TMEM178B: variants seen among roughly 807,000 people sequenced by gnomAD.
The protein encoded by TMEM178B is transmembrane protein 178B.
In TMEM178B, 5 loss-of-function variants were observed where a neutral mutation model predicts 31.0. The ratio of observed to expected loss-of-function variants is 0.16; its 90% CI spans 0.08 to 0.34. The LOEUF (loss-of-function observed/expected upper bound fraction) is 0.34, where lower values mean the gene tolerates loss of function less well. TMEM178B is among the 10% of genes least tolerant of loss of function. TMEM178B has a pLI of 1.00. For synonymous variants in TMEM178B, 164 were observed against 164.0 expected, an observed-to-expected ratio of 1.00 and a Z score of 0.00; for missense variants, 275 against 400.3, an observed-to-expected ratio of 0.69 and a Z score of 2.67.
At chr7:141,140,555 A>G (rs560090613) in intron 1 of TMEM178B, among the ~76,000 whole-genome samples, 1 of 152,172 alleles carries the variant, frequency 6.6e-6, no homozygotes, top group Non-Finnish European at 1.5e-5. Context: ...GTATTAATGC[A>G]AGTTCATAGT....
chr7:141,188,433 A>G (rs1412210153), intron 1 of TMEM178B, among the ~76,000 whole-genome samples: 2 of 152,240 alleles, frequency 1.3e-5, no homozygotes, highest in Non-Finnish European at 2.9e-5. Context: ...CCAAAATCCA[A>G]AACACTTCCT....
intron 3 of TMEM178B, among the ~76,000 whole-genome samples, chr7:141,460,674 C>T (rs577840578): frequency 6.6e-6 from 1 of 152,358 alleles, no homozygotes; most frequent in African/African-American, 2.4e-5. Flanking sequence ...GGAAAGCTCA[C>T]ACCTGGGTGC....
intron 2 of TMEM178B, among the ~76,000 whole-genome samples, chr7:141,241,452 C>T (rs1478930335): frequency 2.0e-5 from 3 of 151,728 alleles, no homozygotes; most frequent in African/African-American, 4.8e-5. Flanking sequence ...ATTAGCTGGG[C>T]GTGGTGGCAG....
At chr7:141,368,170 TCAG>T (rs1800044682) in intron 2 of TMEM178B, among the ~76,000 whole-genome samples, 1 of 152,062 alleles carries the variant, frequency 6.6e-6, no homozygotes, top group Non-Finnish European at 1.5e-5. Context: ...AATACAAAAA[TCAG>T]CAGGGCATGG....
At chr7:141,483,533 G>A (rs1455853065), downstream of TMEM178B, among the ~76,000 whole-genome samples, 1 of 152,052 alleles carries the variant, frequency 6.6e-6, no homozygotes, top group African/African-American at 2.4e-5. Flanking sequence ...CATATAAATT[G>A]TGCCACTTGG....
chr7:141,384,825 T>G (rs748603462), intron 2 of TMEM178B, among the ~76,000 whole-genome samples: 5 of 152,200 alleles, frequency 3.3e-5, no homozygotes, highest in African/African-American at 4.8e-5. Context: ...CATCTTTCTA[T>G]ATTGTATTGA....
intron 2 of TMEM178B, among the ~76,000 whole-genome samples, chr7:141,406,910 C>G (rs1800895650): frequency 6.6e-6 from 1 of 152,148 alleles, no homozygotes; most frequent in African/African-American, 2.4e-5. Context: ...GAGTTGATAG[C>G]CAGTTTCACT....
At chr7:141,076,186 A>G (rs1299262528) in intron 1 of TMEM178B, among the ~76,000 whole-genome samples, 1 of 152,248 alleles carries the variant, frequency 6.6e-6, no homozygotes, top group Non-Finnish European at 1.5e-5. Flanking sequence ...AGGGGAGTCC[A>G]GAAGAGACCA....
At chr7:141,096,951 A>C (rs1794970132) in intron 1 of TMEM178B, among the ~76,000 whole-genome samples, 1 of 152,030 alleles carries the variant, frequency 6.6e-6, no homozygotes, top group Admixed American at 6.6e-5. Context: ...TTAACTGGGC[A>C]TGGTGGCACG....
rs1795704133 is a variant in TMEM178B at position 141,138,074 on chromosome 7, T to A, written c.382+63382T>A. Among the ~76,000 whole-genome samples, 8 of 151,902 alleles carry A rather than the reference T, an allele frequency of 5.3e-5. 1 individual carries two copies. In the South Asian group the frequency reaches 1.7e-3, roughly 32 times the overall value. ...TCTTTTAAAATTCAATTTTTTTTTT[T>A]TTTTTGAGACAGAGTCTCGCTCAGT... is the stretch of plus-strand genomic sequence containing the variant. On this transcript the variant is annotated intron_variant, in intron 1 of 3. Transcript: ENST00000565468.
chr7:141,246,050 A>G (rs1159581193), intron 2 of TMEM178B, among the ~76,000 whole-genome samples: 17 of 152,050 alleles, frequency 1.1e-4, no homozygotes, highest in Non-Finnish European at 1.8e-4. Flanking sequence ...TAAGATTTCT[A>G]CAAACTTAGG....
intron 1 of TMEM178B, among the ~76,000 whole-genome samples, chr7:141,140,985 C>T (rs534847080): frequency 2.6e-5 from 4 of 152,232 alleles, no homozygotes; most frequent in African/African-American, 4.8e-5. Context: ...TGTACTCTTT[C>T]GAAGGAGGTC....
At chr7:141,365,804 C>G (rs1799994319) in intron 2 of TMEM178B, among the ~76,000 whole-genome samples, 1 of 152,200 alleles carries the variant, frequency 6.6e-6, no homozygotes, top group Non-Finnish European at 1.5e-5. Context: ...CCTCGTCTTA[C>G]CTGACATCCT....
In TMEM178B at chr7:141,139,864, C is replaced by G. The variant is rs796833032; in HGVS notation, c.382+65172C>G. 5.3e-5 allele frequency among the ~76,000 whole-genome samples: 8 copies of G among 151,586 alleles called. No individual in the cohort carries two copies. In the South Asian group the frequency reaches 1.0e-3, roughly 20 times the overall value. The stretch of plus-strand genomic sequence containing the variant: ...CACTGCAACCTTCACCTTTTGGATT[C>G]AAGCGATTCTCCTGCCTCAGCCTCC... On this transcript the variant is annotated intron_variant, in intron 1 of 3. Coordinates refer to ENST00000565468, the MANE Select transcript of TMEM178B (RefSeq NM_001195278.2).
chr7:141,148,651 T>C (rs1305674563), intron 1 of TMEM178B, among the ~76,000 whole-genome samples: 1 of 152,212 alleles, frequency 6.6e-6, no homozygotes, highest in African/African-American at 2.4e-5. Flanking sequence ...CAACAAATAT[T>C]TATTGAGCAT....
chr7:141,136,337 G>A (rs556660081), intron 1 of TMEM178B, among the ~76,000 whole-genome samples: 26 of 152,306 alleles, frequency 1.7e-4, no homozygotes, highest in South Asian at 1.2e-3. Context: ...GCAGAAGAAT[G>A]AAACTGGACC....
chr7:141,494,696 G>A, the TMEM178B span, among the ~76,000 whole-genome samples: 2 of 152,168 alleles, frequency 1.3e-5, no homozygotes, highest in Admixed American at 1.3e-4. Flanking sequence ...TTGAGCTCAG[G>A]AGTTTGAGAC....
intron 1 of TMEM178B, among the ~76,000 whole-genome samples, chr7:141,134,356 T>G (rs1263719333): frequency 1.3e-5 from 2 of 152,158 alleles, no homozygotes; most frequent in Admixed American, 1.3e-4. Flanking sequence ...AAGTTAGCTT[T>G]CAAAAATTAA....
intron 2 of TMEM178B, among the ~76,000 whole-genome samples, chr7:141,355,905 T>C (rs1799810371): frequency 6.6e-6 from 1 of 152,224 alleles, no homozygotes; most frequent in Admixed American, 6.5e-5. Flanking sequence ...GTCTATTGTT[T>C]CCATCTTTAT....
Sources: gnomAD v4.1 joint callset for allele counts (sites outside exome capture counted in the v4.1 genomes callset) on GRCh38, gnomAD v4.1.1 for gene constraint, MANE v1.5 for transcripts, NCBI Gene and HGNC (gene_info 2026-07-23, HGNC 2026-07-21) for gene names.